HS3ST1: variants seen among roughly 807,000 people sequenced by gnomAD.
The protein encoded by HS3ST1 is heparan sulfate-glucosamine 3-sulfotransferase 1.
HS3ST1 carries 8 observed loss-of-function variants against 20.7 expected under a neutral mutation model. The ratio of observed to expected loss-of-function variants is 0.39; its 90% CI spans 0.23 to 0.70. The LOEUF is 0.70. Ranked by LOEUF, HS3ST1 falls within the 30% of genes least tolerant of loss-of-function variation. The pLI, the probability that HS3ST1 is intolerant of heterozygous loss-of-function variation, is 0.46. For synonymous variants in HS3ST1, 205 were observed against 190.4 expected (o/e 1.08, Z -0.63); for missense variants, 436 against 423.4 (o/e 1.03, Z -0.26).
intron 1 of HS3ST1, among the ~76,000 whole-genome samples, chr4:11,400,965 G>C (rs908545323): frequency 2.0e-5 from 3 of 152,232 alleles, no homozygotes; most frequent in Non-Finnish European, 2.9e-5. Flanking sequence ...AGCCATCCCA[G>C]CTCATGAGTG....
At position 11,396,676 on chromosome 4, in the gene HS3ST1, A is replaced by G. The variant is rs554140473; in HGVS notation, c.*2406T>C. ...GGTTTCTTACACAGTGTACCTTCTC[A>G]ATGACTGGCTGGGGTTGTACCAAAA... is the stretch of plus-strand genomic sequence containing the variant. On this transcript the variant is annotated 3_prime_UTR_variant, in exon 2 of 2. Transcript: ENST00000002596. 6.6e-6 allele frequency: 1 copy of G among 152,390 alleles called. No individual in the cohort carries two copies. The highest frequency in any genetic ancestry group is 2.1e-4 in the South Asian group (1 of 4,826). The allele number at this position is 152,390 out of a possible 1,614,324, so 9.4% of individuals were successfully genotyped here.
intron 1 of HS3ST1, among the ~76,000 whole-genome samples, chr4:11,413,829 T>C (rs1718698046): frequency 6.6e-6 from 1 of 152,070 alleles, no homozygotes; most frequent in South Asian, 2.1e-4. Context: ...TCATACTTTA[T>C]GAGATAAGAA....
intron 1 of HS3ST1, among the ~76,000 whole-genome samples, chr4:11,409,161 C>T (rs539282101): frequency 7.9e-5 from 12 of 152,302 alleles, no homozygotes; most frequent in African/African-American, 2.9e-4. Context: ...CTTACTAACC[C>T]CCAGACACAT....
intron 1 of HS3ST1, among the ~76,000 whole-genome samples, chr4:11,416,461 C>A (rs765445619): frequency 6.6e-6 from 1 of 152,228 alleles, no homozygotes; most frequent in Non-Finnish European, 1.5e-5. Context: ...GTGCCACCTG[C>A]ACAATGTGGA....
chr4:11,397,750 C>G lies in HS3ST1; in HGVS notation c.*1332G>C, dbSNP rs184290129. 2 of 152,128 alleles carry G rather than the reference C, an allele frequency of 1.3e-5. No individual in the cohort carries two copies. Among genetic ancestry groups the G allele is most frequent in the Non-Finnish European group, 2.9e-5 (2 of 68,032 alleles). The allele number at this position is 152,128 out of a possible 1,614,324, so 9.4% of individuals were successfully genotyped here. On this transcript the variant is annotated 3_prime_UTR_variant, in exon 2 of 2. Transcript: ENST00000002596. ...CTTAAGTGTAGGAGATGATTAATAA[C>G]GTCCATTTCTGTCATTTTCCTGCGG...
At position 11,399,462 on chromosome 4, in the gene HS3ST1, C is replaced by T. The variant is rs747857776; in HGVS notation, c.544G>A (p.Gly182Ser). Residue 182 changes from glycine (G) to serine (S), a missense_variant, in exon 2 of 2, where the codon GGC becomes AGC. By Grantham distance (56) the Gly-to-Ser change is moderately conservative. Transcript: ENST00000002596. The surrounding 1 kb of genome is among the most constrained non-coding windows in gnomAD (Gnocchi z 5.1). ...PSIEEFLVRD[G>S]RLNVDYKALN... Reference sequence around the variant, plus strand: ...GCCTTGTAGTCCACATTGAGCCTGCCATCGCGCACCAGGAACTCCTCGATG... The same window carrying T: ...GCCTTGTAGTCCACATTGAGCCTGCTATCGCGCACCAGGAACTCCTCGATG... 15 of 1,614,012 alleles carry T rather than the reference C, an allele frequency of 9.3e-6. No homozygotes were observed. In the Admixed American group the frequency reaches 2.5e-4, roughly 27 times the overall value.
upstream of HS3ST1, among the ~76,000 whole-genome samples, chr4:11,430,645 G>T (rs1719185651): frequency 6.6e-6 from 1 of 152,130 alleles, no homozygotes; most frequent in Non-Finnish European, 1.5e-5. Context: ...ACACAAAGGG[G>T]GTTAGCAATG....
At chr4:11,430,730 AC>A (rs1719187229), upstream of HS3ST1, among the ~76,000 whole-genome samples, 1 of 152,206 alleles carries the variant, frequency 6.6e-6, no homozygotes, top group Non-Finnish European at 1.5e-5. Flanking sequence ...CTTGAAAGAA[AC>A]TGGAACCCCA....
At chr4:11,416,652 G>A (rs1019074787) in intron 1 of HS3ST1, among the ~76,000 whole-genome samples, 2 of 152,216 alleles carry the variant, frequency 1.3e-5, no homozygotes, top group African/African-American at 4.8e-5. Flanking sequence ...ACTCTCCGGA[G>A]TAGTGCCAGT....
rs1039110616 is a variant in HS3ST1 at position 11,397,717 on chromosome 4, A to G, written c.*1365T>C. On this transcript the variant is annotated 3_prime_UTR_variant, in exon 2 of 2. Transcript: ENST00000002596. ...TCCTGGGGTTGCTTGGAGAAATTTC[A>G]ATGAGTTCTTAAGTGTAGGAGATGA... 2.0e-5 allele frequency: 3 copies of G among 152,192 alleles called. No individual in the cohort carries two copies. The highest frequency in any genetic ancestry group is 6.5e-5 in the Admixed American group (1 of 15,278). The allele number at this position is 152,192 out of a possible 1,614,324, so 9.4% of individuals were successfully genotyped here.
rs1241821377 is a variant in HS3ST1, at chr4:11,396,130, C to T, written c.*2952G>A. 6.6e-6 allele frequency: 1 copy of T among 152,230 alleles called. No individual in the cohort carries two copies. The highest frequency in any genetic ancestry group is 2.4e-5 in the African/African-American group (1 of 41,452). 9.4% of individuals were successfully genotyped at this position (152,230 alleles called of 1,614,324 possible). ...ACGCTAGGCATCGGCCTCTCCTGCC[C>T]TCCATCTCCTTTCAGTTGGGTAAGC... On this transcript the variant is annotated 3_prime_UTR_variant, in exon 2 of 2. Coordinates refer to ENST00000002596, the MANE Select transcript of HS3ST1 (RefSeq NM_005114.4).
chr4:11,406,104 T>TA (rs1242630833), intron 1 of HS3ST1, among the ~76,000 whole-genome samples: 4 of 152,160 alleles, frequency 2.6e-5, no homozygotes, highest in Non-Finnish European at 5.9e-5. Flanking sequence ...ACAATTCACT[T>TA]ATGGGATTTA....
rs189287441 is a variant in HS3ST1, at chr4:11,412,499, T to A, written c.-108-12386A>T. ...GTTAAAAATTAACCACAAAGTTTTG[T>A]CACCAATGTGGGCATCTAACATTTT... On this transcript the variant is annotated intron_variant, in intron 1 of 1. Coordinates refer to ENST00000002596, the MANE Select transcript of HS3ST1 (RefSeq NM_005114.4). Among the ~76,000 whole-genome samples the A allele has an allele frequency of 1.9e-3, 297 of 152,326 alleles. 1 individual carries two copies. Among genetic ancestry groups the A allele is most frequent in the Non-Finnish European group, 3.5e-3 (239 of 68,036 alleles).
At position 11,396,616 on chromosome 4, in the gene HS3ST1, C is replaced by G. The variant is rs948703902; in HGVS notation, c.*2466G>C. 1 of 152,294 alleles carries G rather than the reference C, an allele frequency of 6.6e-6. No homozygotes were observed. The highest frequency in any genetic ancestry group is 1.5e-5 in the Non-Finnish European group (1 of 68,130). 9.4% of individuals were successfully genotyped at this position (152,294 alleles called of 1,614,324 possible). A position where few individuals can be genotyped will look rare whatever the true frequency, so the allele number is the denominator to read the frequency against. On this transcript the variant is annotated 3_prime_UTR_variant, in exon 2 of 2. Transcript: ENST00000002596. ...TGAATTTGACAGTGCTTGGTGAGAT[C>G]TAGCAATAAATACCTTGGGTAAGTC...
chr4:11,394,474 T>C lies in HS3ST1; in HGVS notation c.*4608A>G, dbSNP rs1279106019. ...GTGTGCTGTTTGGAGAACTCTGTTA[T>C]GTTGCTCTGGCCTTTAACTCAGGCT... On this transcript the variant is annotated 3_prime_UTR_variant, in exon 2 of 2. Coordinates refer to ENST00000002596, the MANE Select transcript of HS3ST1 (RefSeq NM_005114.4). The C allele has an allele frequency of 6.6e-6, 1 of 152,258 alleles. No individual in the cohort carries two copies. Among genetic ancestry groups the C allele is most frequent in the Non-Finnish European group, 1.5e-5 (1 of 68,054 alleles). The allele number at this position is 152,258 out of a possible 1,614,324, so 9.4% of individuals were successfully genotyped here.
upstream of HS3ST1, chr4:11,429,839 C>G (rs1426710544): frequency 2.0e-5 from 3 of 151,612 alleles, no homozygotes; most frequent in African/African-American, 7.3e-5. Context: ...TTGGAATCGC[C>G]TTGGAGAAAC....
chr4:11,409,896 C>T (rs1275569680), intron 1 of HS3ST1, among the ~76,000 whole-genome samples: 2 of 152,178 alleles, frequency 1.3e-5, no homozygotes, highest in Non-Finnish European at 2.9e-5. Context: ...GCAGGTGCTG[C>T]CAACTCTGGC....
intron 1 of HS3ST1, among the ~76,000 whole-genome samples, chr4:11,410,923 A>C (rs1718613023): frequency 6.6e-6 from 1 of 151,966 alleles, no homozygotes; most frequent in Non-Finnish European, 1.5e-5. Context: ...ATAAATAAAA[A>C]AGTAGAGGAA....
At chr4:11,421,375 G>A (rs2108889830) in intron 1 of HS3ST1, among the ~76,000 whole-genome samples, 1 of 152,270 alleles carries the variant, frequency 6.6e-6, no homozygotes, top group African/African-American at 2.4e-5. Context: ...CAGGACACTG[G>A]GAGAGATCTG....
Sources: gnomAD v4.1 joint callset for allele counts (sites outside exome capture counted in the v4.1 genomes callset) on GRCh38, gnomAD v4.1.1 for gene constraint, Gnocchi (gnomAD v3.1) non-coding constraint, MANE v1.5 for transcripts, NCBI Gene and HGNC (gene_info 2026-07-23, HGNC 2026-07-21) for gene names.